Variants in TIA1 observed in about 807,000 individuals in gnomAD.
TIA1 encodes cytotoxic granule associated RNA binding protein TIA1.
Under a neutral mutation model 65.9 loss-of-function variants are expected in TIA1, and 23 were observed. The observed-to-expected ratio is 0.35, with a 90% CI of 0.25 to 0.49. The LOEUF (loss-of-function observed/expected upper bound fraction) is 0.49. Among genes scored for constraint, TIA1 ranks in the 20% least tolerant of loss-of-function variants. The probability of loss-of-function intolerance (pLI) is 0.98; values close to 1 mark genes in which losing one functional copy is unlikely to be tolerated. For synonymous variants in TIA1, 147 were observed against 149.4 expected, an observed-to-expected ratio of 0.98 and a Z score of 0.12; for missense variants, 371 against 477.9, an observed-to-expected ratio of 0.78 and a Z score of 2.09.
At chr2:70,227,674 A>G in intron 6 of TIA1, 61 bp downstream of exon 6, 2 of 1,083,688 alleles carry the variant, frequency 1.8e-6, no homozygotes, top group South Asian at 3.2e-5. Context: ...ATTATTTTCA[A>G]GTTATGTCTA....
At chr2:70,220,587 G>A (rs571477096) in intron 7 of TIA1, among the ~76,000 whole-genome samples, 21 of 152,050 alleles carry the variant, frequency 1.4e-4, no homozygotes, top group Non-Finnish European at 2.4e-4. Flanking sequence ...AAAGAGCATG[G>A]ACATGCTGAC....
chr2:70,248,419 C>G lies in TIA1; in HGVS notation c.12G>C (p.Glu4Asp), dbSNP rs758601395. The G allele has an allele frequency of 6.2e-7, 1 of 1,600,676 alleles. No homozygotes were observed. The highest frequency in any genetic ancestry group is 1.1e-5 in the South Asian group (1 of 91,078). The change falls in exon 1 of 13, where the codon GAG (glutamate) becomes GAC (aspartate). Residue 4 changes from glutamate to aspartate, a missense_variant. Glu to Asp is a conservative substitution (Grantham distance 45). Coordinates refer to ENST00000433529, the MANE Select transcript of TIA1 (RefSeq NM_022173.4). ...CCCAGACTCACAGAGTCTTGGGCAT[C>G]TCGTCCTCCATGGCTGCTGCTGTCG... The part of the protein sequence containing the change: MED[E>D]MPKTLYVGNL...
intron 3 of TIA1, 129 bp from the exon 4 acceptor site, chr2:70,229,447 G>A: frequency 1.4e-6 from 1 of 731,140 alleles, no homozygotes; most frequent in Non-Finnish European, 2.2e-6. Flanking sequence ...CTCTGGTCAA[G>A]TTTCAACACT....
chr2:70,228,944 T>G, intron 5 of TIA1, 115 bp downstream of exon 5: 4 of 1,442,996 alleles, frequency 2.8e-6, no homozygotes, highest in Admixed American at 2.3e-5. Flanking sequence ...GAGAGACAAA[T>G]AGAAATAATA....
chr2:70,223,242 GA>G (rs1682298879), intron 7 of TIA1, among the ~76,000 whole-genome samples: 1 of 151,990 alleles, frequency 6.6e-6, no homozygotes, highest in Non-Finnish European at 1.5e-5. Context: ...ATCCATTATA[GA>G]AGGTATTTTT....
In TIA1 at chr2:70,248,502, G is replaced by T. The variant is rs11547900; in HGVS notation, c.-72C>A. 2.5e-6 allele frequency: 4 copies of T among 1,598,378 alleles called. No individual in the cohort carries two copies. Among genetic ancestry groups the T allele is most frequent in the Middle Eastern group, 1.7e-4 (1 of 6,058 alleles). On this transcript the variant is annotated 5_prime_UTR_variant, in exon 1 of 13. Coordinates refer to ENST00000433529, the MANE Select transcript of TIA1 (RefSeq NM_022173.4). ...TCACTACCTCCCAAATCGTTTAAGC[G>T]GTTATGGCTACAGGATAGTGGGGTT...
At chr2:70,232,772 G>A (rs1043890426) in intron 2 of TIA1, among the ~76,000 whole-genome samples, 1 of 151,862 alleles carries the variant, frequency 6.6e-6, no homozygotes, top group Non-Finnish European at 1.5e-5. Context: ...GGGAGGCTGA[G>A]GCAGGAGATT....
chr2:70,229,902 C>T (rs1029448738), intron 3 of TIA1, among the ~76,000 whole-genome samples: 2 of 151,378 alleles, frequency 1.3e-5, no homozygotes, highest in Non-Finnish European at 2.9e-5. Context: ...GGTGCCACTG[C>T]ACTCCAGCCT....
Position 70,210,529 on chromosome 2 carries a change from AT to A in TIA1, c.*2189del, listed in dbSNP as rs1676223705. The A allele has an allele frequency of 6.6e-6, 1 of 152,216 alleles. No individual in the cohort carries two copies. 9.4% of individuals were successfully genotyped at this position (152,216 alleles called of 1,614,324 possible). A position where few individuals can be genotyped will look rare whatever the true frequency, so the allele number is the denominator to read the frequency against. ...TCTTCTCAGAAAGTAGTCAATGTAC[AT>A]TTTAAGATTTGTGCAATAAGCCAAT... On this transcript the variant is annotated 3_prime_UTR_variant, in exon 13 of 13. Transcript: ENST00000433529.
At chr2:70,228,503 T>C in intron 5 of TIA1, 1 of 1,205,548 alleles carries the variant, frequency 8.3e-7, no homozygotes, top group Non-Finnish European at 1.1e-6. Flanking sequence ...CTTCACTTTA[T>C]ATCAGAACCA....
At chr2:70,224,772 T>G (rs1320167285) in intron 6 of TIA1, 143 bp from the exon 7 acceptor site, 6 of 1,417,138 alleles carry the variant, frequency 4.2e-6, no homozygotes, top group Non-Finnish European at 3.7e-6. Context: ...TCTACAAAAT[T>G]TATCATGTAT....
rs1420839777 is a variant in TIA1 at position 70,212,699 on chromosome 2, T to C, written c.*20A>G. ...TCCCTGTAGCCTCAAGCCACTGGCT[T>C]TAGATTCTGGAGTCCTTATTCACTG... On this transcript the variant is annotated 3_prime_UTR_variant, in exon 13 of 13. Transcript: ENST00000433529. 1 of 1,519,718 alleles carries C rather than the reference T, an allele frequency of 6.6e-7. No individual in the cohort carries two copies. Among genetic ancestry groups the C allele is most frequent in the Admixed American group, 1.7e-5 (1 of 59,890 alleles). The allele number at this position is 1,519,718 out of a possible 1,614,324, so 94.1% of individuals were successfully genotyped here.
chr2:70,236,623 T>C (rs1212295150), intron 1 of TIA1, among the ~76,000 whole-genome samples: 1 of 151,902 alleles, frequency 6.6e-6, no homozygotes, highest in Non-Finnish European at 1.5e-5. Flanking sequence ...CCCAGCTCAA[T>C]TTACCTCAAT....
chr2:70,235,734 T>C (rs1688611649), intron 2 of TIA1, among the ~76,000 whole-genome samples: 1 of 152,226 alleles, frequency 6.6e-6, no homozygotes, highest in Non-Finnish European at 1.5e-5. Context: ...GCTGAATTTA[T>C]TAGCCAACCA....
At chr2:70,236,653 G>GGT (rs1362615867) in intron 1 of TIA1, among the ~76,000 whole-genome samples, 1 of 151,688 alleles carries the variant, frequency 6.6e-6, no homozygotes, top group Non-Finnish European at 1.5e-5. Context: ...TTTCAGACAA[G>GGT]GTCTTCTGGG....
At chr2:70,246,307 A>G (rs1315265938) in intron 1 of TIA1, among the ~76,000 whole-genome samples, 3 of 152,204 alleles carry the variant, frequency 2.0e-5, no homozygotes, top group Non-Finnish European at 4.4e-5. Flanking sequence ...TGTGTTTTTA[A>G]TGTGCTAAGA....
At chr2:70,226,523 A>G (rs1683885675) in intron 6 of TIA1, among the ~76,000 whole-genome samples, 1 of 152,150 alleles carries the variant, frequency 6.6e-6, no homozygotes, top group Non-Finnish European at 1.5e-5. Context: ...AGCAGCAAAG[A>G]TCTAGATCAG....
At chr2:70,228,505 T>C (rs777862023) in intron 5 of TIA1, 8 of 1,200,680 alleles carry the variant, frequency 6.7e-6, no homozygotes, top group Non-Finnish European at 8.4e-6. Context: ...TCACTTTATA[T>C]CAGAACCATT....
intron 1 of TIA1, among the ~76,000 whole-genome samples, chr2:70,247,707 T>A (rs574352025): frequency 1.3e-5 from 2 of 152,268 alleles, no homozygotes; most frequent in South Asian, 2.1e-4. Context: ...ACAACAGTAG[T>A]AAACGACTAT....
Sources: allele counts gnomAD v4.1 joint callset (sites outside exome capture counted in the v4.1 genomes callset), GRCh38; gene constraint gnomAD v4.1.1; transcripts MANE v1.5; gene names NCBI Gene and HGNC (gene_info 2026-07-23, HGNC 2026-07-21).